The following RBM19 variants were observed in gnomAD, a reference collection of about 807,000 sequenced individuals.
The protein encoded by RBM19 is RNA binding motif protein 19.
In RBM19, 94 loss-of-function variants were observed where a neutral mutation model predicts 116.8. That is an observed-to-expected ratio of 0.80 (90% CI 0.68 to 0.95). RBM19 has a LOEUF of 0.95. Among genes scored for constraint, RBM19 ranks in the 40% least tolerant of loss-of-function variants. The probability of loss-of-function intolerance (pLI) is 0.00; values close to 1 mark genes in which losing one functional copy is unlikely to be tolerated. For missense variants in RBM19, 1,161 were observed against 1,220.7 expected, an observed-to-expected ratio of 0.95 and a Z score of 0.73; for synonymous variants, 475 against 494.1, an observed-to-expected ratio of 0.96 and a Z score of 0.51.
intron 9 of RBM19, 119 bp from the exon 10 acceptor site, chr12:113,949,155 G>A (rs1475647594): frequency 1.1e-6 from 1 of 940,926 alleles, no homozygotes; most frequent in South Asian, 1.6e-5. Context: ...GGTGGCAGAT[G>A]ACAGCACCCA....
intron 16 of RBM19, among the ~76,000 whole-genome samples, chr12:113,936,349 G>T (rs1234903372): frequency 2.6e-5 from 4 of 152,168 alleles, no homozygotes; most frequent in Non-Finnish European, 2.9e-5. Flanking sequence ...TCGATGCGGG[G>T]GATACACTGC....
intron 19 of RBM19, among the ~76,000 whole-genome samples, chr12:113,919,503 G>A (rs1363207554): frequency 6.6e-6 from 1 of 152,160 alleles, no homozygotes; most frequent in African/African-American, 2.4e-5. Context: ...CCTGGGAGGC[G>A]GAGCTTGCAG....
chr12:113,960,157 C>G lies in RBM19; in HGVS notation c.241G>C (p.Gly81Arg), dbSNP rs199547848. ...RITVEFCKSF[G>R]DPAKPRAWSK... ...CAGGCTCTGGGTTTGGCCGGGTCCC[C>G]GAATGACTTGCAGAACTCCACCTGT... The change falls in exon 3 of 24, where the codon GGG (glycine) becomes CGG (arginine). Residue 81 changes from glycine (G) to arginine (R), a missense_variant. By Grantham distance (125) the Gly-to-Arg change is moderately radical. Coordinates refer to ENST00000261741, the MANE Select transcript of RBM19 (RefSeq NM_016196.4). 6.2e-7 allele frequency: 1 copy of G among 1,613,806 alleles called. No individual in the cohort carries two copies. The highest frequency in any genetic ancestry group is 8.5e-7 in the Non-Finnish European group (1 of 1,180,018).
At chr12:113,886,816 G>A (rs566138474) in intron 21 of RBM19, among the ~76,000 whole-genome samples, 3 of 152,260 alleles carry the variant, frequency 2.0e-5, no homozygotes, top group South Asian at 2.1e-4. Flanking sequence ...ACTTTAACAC[G>A]AGTTTCTCAA....
intron 21 of RBM19, among the ~76,000 whole-genome samples, chr12:113,889,474 G>A (rs924902153): frequency 1.4e-4 from 21 of 152,100 alleles, no homozygotes; most frequent in Non-Finnish European, 2.8e-4. Flanking sequence ...TTTGGGGGTA[G>A]CAAACAAAAA....
intron 20 of RBM19, among the ~76,000 whole-genome samples, chr12:113,917,826 A>G (rs909413140): frequency 1.3e-5 from 2 of 152,246 alleles, no homozygotes; most frequent in African/African-American, 4.8e-5. Flanking sequence ...ATATACAAGC[A>G]GGTAGAAATG....
chr12:113,852,879 C>T lies in RBM19; in HGVS notation c.2664+5912G>A, dbSNP rs535803070. Among the ~76,000 whole-genome samples the T allele has an allele frequency of 4.9e-4, 74 of 152,388 alleles. 2 individuals are homozygous for T. The South Asian group carries it at 0.012, about 25-fold the overall frequency. ...CTCCTCTGCACTCAGTTTAAACAAA[C>T]GTGTTGAACGCACGCCACTGACAAT... On this transcript the variant is annotated intron_variant, in intron 22 of 23. Coordinates refer to ENST00000261741, the MANE Select transcript of RBM19 (RefSeq NM_016196.4).
intron 6 of RBM19, among the ~76,000 whole-genome samples, chr12:113,957,409 C>A (rs1005346715): frequency 1.3e-5 from 2 of 151,848 alleles, no homozygotes; most frequent in African/African-American, 2.4e-5. Context: ...AACCCCATTT[C>A]GACTAAAAAT....
At chr12:113,913,093 G>C (rs1373321906) in intron 21 of RBM19, among the ~76,000 whole-genome samples, 1 of 152,088 alleles carries the variant, frequency 6.6e-6, no homozygotes, top group Non-Finnish European at 1.5e-5. Flanking sequence ...TAATACATGA[G>C]ATCACACAAA....
At chr12:113,957,238 G>A (rs1872021865) in intron 6 of RBM19, among the ~76,000 whole-genome samples, 1 of 152,164 alleles carries the variant, frequency 6.6e-6, no homozygotes, top group Non-Finnish European at 1.5e-5. Context: ...CTACTTATAG[G>A]CAATTTCTGG....
downstream of RBM19, among the ~76,000 whole-genome samples, chr12:113,818,537 A>G (rs1391506825): frequency 6.6e-6 from 1 of 152,160 alleles, no homozygotes; most frequent in Admixed American, 6.5e-5. Context: ...CAGCCCCACA[A>G]GCTTGCCTTG....
chr12:113,947,467 G>C lies in RBM19; in HGVS notation c.1277-3C>G, dbSNP rs763762032. 1 of 1,592,596 alleles carries C rather than the reference G, an allele frequency of 6.3e-7. No individual in the cohort carries two copies. The highest frequency in any genetic ancestry group is 1.1e-5 in the South Asian group (1 of 90,048). On this transcript the variant is annotated splice_region_variant and splice_polypyrimidine_tract_variant and intron_variant, in intron 10 of 23. Coordinates refer to ENST00000261741, the MANE Select transcript of RBM19 (RefSeq NM_016196.4). ...GTAGTGGAGCTCAGACAGGGGACCTGAGGACAGGAGAAGTGTCGGTCTCTG... is the reference window on the plus strand; with the variant it reads ...GTAGTGGAGCTCAGACAGGGGACCTCAGGACAGGAGAAGTGTCGGTCTCTG...
At chr12:113,966,080 G>C (rs949101162) in intron 1 of RBM19, 112 bp downstream of exon 1, 1 of 1,289,884 alleles carries the variant, frequency 7.8e-7, no homozygotes, top group African/African-American at 1.5e-5. Context: ...GAATTGGCCC[G>C]GAGTCCTGCC....
In RBM19 at chr12:113,825,650, G is replaced by A. The variant is rs1211349400; in HGVS notation, c.2786-2329C>T. ...GGTCTAAGGGATGGCCAGCGGTGGC[G>A]GCATGGGACTTTTTCTTCTCTCCCA... On this transcript the variant is annotated intron_variant, in intron 23 of 23. Coordinates refer to ENST00000261741, the MANE Select transcript of RBM19 (RefSeq NM_016196.4). This position sits in a 1 kb window ranked among gnomAD's most constrained non-coding sequence, Gnocchi z 5.7. Among the ~76,000 whole-genome samples, 1 of 152,098 alleles carries A rather than the reference G, an allele frequency of 6.6e-6. No individual in the cohort carries two copies. Among genetic ancestry groups the A allele is most frequent in the Non-Finnish European group, 1.5e-5 (1 of 68,010 alleles).
rs1483193609 is a variant in RBM19 at position 113,939,951 on chromosome 12, C to T, written c.1938+9G>A. 6.2e-7 allele frequency: 1 copy of T among 1,613,072 alleles called. No individual in the cohort carries two copies. The stretch of plus-strand genomic sequence containing the variant: ...CTCCAGATCAATTCTGGGTCTCCAG[C>T]AGCCCTACCTTGGAATAGGCCAGAT... On this transcript the variant is annotated intron_variant, in intron 15 of 23. Coordinates refer to ENST00000261741, the MANE Select transcript of RBM19 (RefSeq NM_016196.4).
chr12:113,945,958 C>T (rs373324549), intron 12 of RBM19, 34 bp from the exon 13 acceptor site: 50 of 1,509,420 alleles, frequency 3.3e-5, no homozygotes, highest in African/African-American at 1.5e-4. Context: ...GAGATCAGAC[C>T]GCAGCTGGAT....
At chr12:113,877,868 G>C (rs1479131946) in intron 21 of RBM19, among the ~76,000 whole-genome samples, 1 of 151,976 alleles carries the variant, frequency 6.6e-6, no homozygotes, top group Non-Finnish European at 1.5e-5. Context: ...ATGTCCACTG[G>C]GACAGCAATT....
chr12:113,875,409 G>A (rs919624428), intron 21 of RBM19, among the ~76,000 whole-genome samples: 2 of 152,198 alleles, frequency 1.3e-5, no homozygotes, highest in Non-Finnish European at 2.9e-5. Flanking sequence ...ATTGGATGGT[G>A]AGTCAGAAGC....
chr12:113,905,578 A>G (rs1378759067), intron 21 of RBM19, among the ~76,000 whole-genome samples: 1 of 152,156 alleles, frequency 6.6e-6, no homozygotes, highest in African/African-American at 2.4e-5. Context: ...AAAAAGTTAT[A>G]ACCAGGAAGG....
Sources: allele counts gnomAD v4.1 joint callset (sites outside exome capture counted in the v4.1 genomes callset), GRCh38; gene constraint gnomAD v4.1.1; non-coding constraint Gnocchi (gnomAD v3.1); transcripts MANE v1.5; gene names NCBI Gene and HGNC (gene_info 2026-07-23, HGNC 2026-07-21).